The following FANCA variants were observed in gnomAD, a reference collection of about 807,000 sequenced individuals.
The protein encoded by FANCA is Fanconi anemia group A protein.
FANCA carries 236 observed loss-of-function variants against 194.3 expected under a neutral mutation model. The ratio of observed to expected loss-of-function variants is 1.21; its 90% CI spans 1.09 to 1.35. The LOEUF is 1.35. Among genes scored for constraint, FANCA ranks in the 40% most tolerant of loss-of-function variants. The probability of loss-of-function intolerance (pLI) is 0.00; values close to 1 mark genes in which losing one functional copy is unlikely to be tolerated. For missense variants in FANCA, 2,628 were observed against 1,813.9 expected (o/e 1.45, Z -8.15); for synonymous variants, 1,014 against 715.8 (o/e 1.42, Z -6.65).
At chr16:89,743,038 C>G in intron 36 of FANCA, 100 bp from the exon 37 acceptor site, 5 of 1,400,698 alleles carry the variant, frequency 3.6e-6, no homozygotes, top group Non-Finnish European at 3.9e-6. Context: ...TGGGGCCTGC[C>G]TTTCCATCAG....
rs151241802 is a variant in FANCA, at chr16:89,740,031, C to G, written c.3897G>C (p.Lys1299Asn). 1.2e-6 allele frequency: 2 copies of G among 1,614,064 alleles called. No homozygotes were observed. The highest frequency in any genetic ancestry group is 2.7e-5 in the African/African-American group (2 of 74,914). Residue 1299 changes from lysine to asparagine, a missense_variant, in exon 39 of 43, where the codon AAG (lysine) becomes AAC (asparagine). Physicochemically the swap from Lys to Asn is moderately conservative, Grantham distance 94 (BLOSUM62 0). Coordinates refer to ENST00000389301, the MANE Select transcript of FANCA (RefSeq NM_000135.4). Reference sequence around the variant, plus strand: ...ACTGAAAGAGTGCCAGCCAGGATATCTTCCTCTTCTCTAAACACTCGAGGA... The same window carrying G: ...ACTGAAAGAGTGCCAGCCAGGATATGTTCCTCTTCTCTAAACACTCGAGGA... Reference protein sequence around the residue: ...AAILECLEKRKISWLALFQLT... With the variant: ...AAILECLEKRNISWLALFQLT...
At chr16:89,805,191 T>TC in intron 7 of FANCA, 89 bp downstream of exon 7, 2 of 999,204 alleles carry the variant, frequency 2.0e-6, no homozygotes, top group Non-Finnish European at 3.1e-6. Flanking sequence ...GACAGGCTGT[T>TC]CTGCCTCGCA....
chr16:89,792,810 G>A (rs928973878), intron 11 of FANCA: 16 of 415,802 alleles, frequency 3.8e-5, no homozygotes, highest in Non-Finnish European at 7.4e-5. Flanking sequence ...AAGGGGCAGG[G>A]TAAAGAGTGT....
chr16:89,752,783 C>G (rs1175378437), intron 30 of FANCA, among the ~76,000 whole-genome samples: 1 of 152,204 alleles, frequency 6.6e-6, no homozygotes, highest in Non-Finnish European at 1.5e-5. Context: ...AGCGGTGATG[C>G]CAGCGTCTGG....
intron 7 of FANCA, 146 bp downstream of exon 7, chr16:89,805,134 G>C (rs2040590570): frequency 1.4e-6 from 1 of 690,066 alleles, no homozygotes; most frequent in Admixed American, 2.1e-5. Flanking sequence ...CCCCACAACA[G>C]GCTGAGACTG....
chr16:89,778,311 C>A, intron 20 of FANCA: 1 of 303,220 alleles, frequency 3.3e-6, no homozygotes, highest in Non-Finnish European at 6.3e-6. Context: ...ACTAAAAATA[C>A]AAAAATTAGC....
intron 8 of FANCA, 150 bp downstream of exon 8, chr16:89,803,109 A>G (rs2040513655): frequency 5.1e-6 from 4 of 789,592 alleles, no homozygotes; most frequent in East Asian, 5.1e-5. Flanking sequence ...TGACTTGATC[A>G]TTACACTCTA....
Position 89,765,015 on chromosome 16 carries a change from C to T in FANCA, c.2653G>A (p.Glu885Lys). ...CAGGAAAGGCTGGCTACGTCCTCCT[C>T]AGAAAGAGGCTGTCGGGCCTCTGAG... ...LFSEARQPLS[E>K]EDVASLSWRP... Residue 885 changes from glutamate (E) to lysine (K), a missense_variant, in exon 28 of 43, where the codon GAG becomes AAG. Physicochemically the swap from Glu to Lys is moderately conservative, Grantham distance 56. Transcript: ENST00000389301. 1 of 1,614,244 alleles carries T rather than the reference C, an allele frequency of 6.2e-7. No homozygotes were observed. Among genetic ancestry groups the T allele is most frequent in the Non-Finnish European group, 8.5e-7 (1 of 1,180,048 alleles).
intron 38 of FANCA, 144 bp from the exon 39 acceptor site, chr16:89,740,243 G>A (rs1357992046): frequency 2.9e-5 from 22 of 755,860 alleles, no homozygotes; most frequent in Non-Finnish European, 5.0e-5. Context: ...CCTATAGAAG[G>A]TAATACTGGG....
Position 89,814,594 on chromosome 16 carries a change from T to C in FANCA, c.209A>G (p.Lys70Arg), listed in dbSNP as rs55692229. 11 of 1,613,474 alleles carry C rather than the reference T, an allele frequency of 6.8e-6. No homozygotes were observed. The East Asian group carries it at 1.6e-4, about 23-fold the overall frequency. ...LLLEVEGPLC[K>R]KLSLSKVIDC... ...AATCACTTTGCTGAGAGACAATTTT[T>C]TACACAGTGGACCTTCTACCTAGAA... The change falls in exon 3 of 43, where the codon AAA becomes AGA. Residue 70 changes from lysine (K) to arginine (R), a missense_variant. Transcript: ENST00000389301.
At chr16:89,785,018 C>G (rs1426080667) in intron 14 of FANCA, 54 bp from the exon 15 acceptor site, 10 of 1,275,850 alleles carry the variant, frequency 7.8e-6, no homozygotes, top group Non-Finnish European at 1.1e-5. Context: ...GCTGCACCAC[C>G]TAGGCAGTGT....
At position 89,739,527 on chromosome 16, in the gene FANCA, G is replaced by A. The variant is rs755375493; in HGVS notation, c.3961C>T (p.Arg1321Cys). 42 of 1,551,144 alleles carry A rather than the reference G, an allele frequency of 2.7e-5. No homozygotes were observed. Among genetic ancestry groups the A allele is most frequent in the South Asian group, 1.1e-4 (9 of 84,076 alleles). ...SDLRLGRLLLRVAPDQHTRLL... is the reference protein window; with the variant it reads ...SDLRLGRLLLCVAPDQHTRLL... ...CTGGTGTGCTGATCCGGGGCCACAC[G>A]GAGGAGGAGCCGCCCCAGCCTGAGG... The change falls in exon 40 of 43, where the codon CGT becomes TGT. Residue 1321 changes from arginine to cysteine, a missense_variant. By Grantham distance (180) the Arg-to-Cys change is radical. Coordinates refer to ENST00000389301, the MANE Select transcript of FANCA (RefSeq NM_000135.4).
chr16:89,760,542 T>C (rs986527056), intron 29 of FANCA, among the ~76,000 whole-genome samples: 1 of 152,124 alleles, frequency 6.6e-6, no homozygotes, highest in Non-Finnish European at 1.5e-5. Context: ...ACTCCATATC[T>C]GCAGTGACCA....
intron 6 of FANCA, among the ~76,000 whole-genome samples, chr16:89,808,067 ACAG>A (rs376820475): frequency 5.2e-5 from 1 of 19,094 alleles, no homozygotes; most frequent in African/African-American, 7.4e-5. Context: ...CAAAAAAAAA[ACAG>A]ACAAAAAGCA....
rs372912753 is a variant in FANCA, at chr16:89,759,369, G to C, written c.2853-664C>G. 4.4e-5 allele frequency among the ~76,000 whole-genome samples: 6 copies of C among 137,068 alleles called. No homozygotes were observed. The South Asian group carries it at 1.4e-3, about 32-fold the overall frequency. The allele number at this position is 137,068 out of a possible 152,430, so 89.9% of individuals were successfully genotyped here. A position where few individuals can be genotyped will look rare whatever the true frequency, so the allele number is the denominator to read the frequency against. ...AAAAAAGTAGCCTGGAAAGTCACCT[G>C]AGGGCACCTGAGCTACTCACAGGCC... On this transcript the variant is annotated intron_variant, in intron 29 of 42. Transcript: ENST00000389301.
At chr16:89,744,179 G>A (rs978058805) in intron 36 of FANCA, among the ~76,000 whole-genome samples, 10 of 152,160 alleles carry the variant, frequency 6.6e-5, no homozygotes, top group East Asian at 1.9e-4. Context: ...ACAGGTGTGC[G>A]CCACCGCGCC....
At chr16:89,756,269 C>T (rs1279318871) in intron 30 of FANCA, among the ~76,000 whole-genome samples, 4 of 152,192 alleles carry the variant, frequency 2.6e-5, no homozygotes, top group Non-Finnish European at 5.9e-5. Context: ...TGTTCAAAAT[C>T]ACTACCCATT....
Position 89,739,169 on chromosome 16 carries a change from T to C in FANCA, c.4131A>G (p.Ser1377=). The C allele has an allele frequency of 1.2e-6, 2 of 1,613,916 alleles. No homozygotes were observed. Among genetic ancestry groups the C allele is most frequent in the East Asian group, 2.2e-5 (1 of 44,876 alleles). ...GCTCCAGGCTCCTGCCAGCTGGAGG[T>C]GAAACTGTGCTTGTATCCCCAGCCA... ...LFVAGDTSTV[S]PPAGRSLELK... Residue 1377 remains serine (S), a synonymous_variant, in exon 41 of 43, where the codon TCA becomes TCG. Coordinates refer to ENST00000389301, the MANE Select transcript of FANCA (RefSeq NM_000135.4).
At chr16:89,769,739 G>T in intron 26 of FANCA, 98 bp downstream of exon 26, 2 of 1,365,340 alleles carry the variant, frequency 1.5e-6, no homozygotes, top group Non-Finnish European at 2.0e-6. Context: ...TCTTTGGGTG[G>T]TATGTCTGCA....
Sources: gnomAD v4.1 joint callset for allele counts (sites outside exome capture counted in the v4.1 genomes callset) on GRCh38, gnomAD v4.1.1 for gene constraint, MANE v1.5 for transcripts, NCBI Gene and HGNC (gene_info 2026-07-23, HGNC 2026-07-21) for gene names.